The following NSUN6 variants were observed in gnomAD, a reference collection of about 807,000 sequenced individuals.
The protein encoded by NSUN6 is NOP2/Sun RNA methyltransferase 6.
A neutral mutation model predicts 58.0 loss-of-function variants in NSUN6; 64 were observed. The ratio of observed to expected loss-of-function variants is 1.10; its 90% CI spans 0.90 to 1.36. The LOEUF is 1.36. Among genes scored for constraint, NSUN6 ranks in the 40% most tolerant of loss-of-function variants. The pLI is 0.00. For synonymous variants in NSUN6, 231 were observed against 193.9 expected (o/e 1.19, Z -1.59); for missense variants, 701 against 550.1 (o/e 1.27, Z -2.74).
upstream of NSUN6, chr10:18,652,820 A>C (rs921693392): frequency 6.4e-6 from 5 of 782,912 alleles, no homozygotes; most frequent in South Asian, 5.8e-5. Flanking sequence ...TAGCCTCCCA[A>C]AGTGCTGGGA....
intron 4 of NSUN6, 74 bp from the exon 5 acceptor site, chr10:18,614,687 A>G (rs1049012661): frequency 5.6e-5 from 40 of 712,686 alleles, no homozygotes; most frequent in Middle Eastern, 3.9e-4. Context: ...TTTGAGCTAG[A>G]TCGGTGATCT....
intron 6 of NSUN6, among the ~76,000 whole-genome samples, chr10:18,604,973 C>A (rs2057995125): frequency 6.6e-6 from 1 of 150,998 alleles, no homozygotes; most frequent in African/African-American, 2.4e-5. Flanking sequence ...GCAAACTCCG[C>A]CTCCCGGGTT....
At chr10:18,611,178 G>A (rs757250617) in intron 5 of NSUN6, among the ~76,000 whole-genome samples, 8 of 151,886 alleles carry the variant, frequency 5.3e-5, no homozygotes, top group Non-Finnish European at 1.0e-4. Flanking sequence ...CCTGGGCAAC[G>A]AGCACCCAAA....
intron 8 of NSUN6, among the ~76,000 whole-genome samples, chr10:18,554,627 G>T (rs2054849122): frequency 6.6e-6 from 1 of 151,548 alleles, no homozygotes; most frequent in African/African-American, 2.4e-5. Flanking sequence ...CTGGAGAATG[G>T]AATGGAATGG....
chr10:18,631,764 C>G (rs1046812130), intron 3 of NSUN6, among the ~76,000 whole-genome samples: 2 of 151,110 alleles, frequency 1.3e-5, no homozygotes, highest in African/African-American at 4.9e-5. Context: ...AGGATACAAA[C>G]AAATGGAAGA....
intron 3 of NSUN6, among the ~76,000 whole-genome samples, chr10:18,624,798 A>T (rs997052507): frequency 9.2e-5 from 14 of 152,154 alleles, no homozygotes; most frequent in South Asian, 6.2e-4. Context: ...TGGCTAGCTA[A>T]GCAGCTAGAA....
chr10:18,608,888 A>G (rs1270880704), intron 6 of NSUN6, among the ~76,000 whole-genome samples: 1 of 152,178 alleles, frequency 6.6e-6, no homozygotes, highest in African/African-American at 2.4e-5. Flanking sequence ...AAACAATTGT[A>G]TGTTAGGTTA....
intron 3 of NSUN6, among the ~76,000 whole-genome samples, chr10:18,628,208 G>A (rs1439084718): frequency 1.3e-5 from 2 of 152,014 alleles, no homozygotes; most frequent in Admixed American, 1.3e-4. Context: ...TCTGTTAGAA[G>A]GAAAACTAAC....
At chr10:18,651,011 A>C in intron 1 of NSUN6, 118 bp downstream of exon 1, 1 of 1,167,776 alleles carries the variant, frequency 8.6e-7, no homozygotes, top group Non-Finnish European at 1.2e-6. Context: ...CACTTGATAG[A>C]CAAGTAGTAA....
chr10:18,630,718 C>A (rs1289219598), intron 3 of NSUN6, among the ~76,000 whole-genome samples: 1 of 152,178 alleles, frequency 6.6e-6, no homozygotes, highest in Non-Finnish European at 1.5e-5. Context: ...GAAGTTGAAT[C>A]TCTGAATAGA....
chr10:18,607,713 G>T (rs946857868), intron 6 of NSUN6, among the ~76,000 whole-genome samples: 15 of 152,308 alleles, frequency 9.8e-5, no homozygotes, highest in Admixed American at 3.3e-4. Flanking sequence ...TCTTCCAAGG[G>T]TTACATCTGG....
At chr10:18,652,569 CT>C (rs532727978), upstream of NSUN6, 128,655 of 848,192 alleles carry the variant, frequency 0.15, no homozygotes, top group Non-Finnish European at 0.16. Flanking sequence ...TTTCTCTGCT[CT>C]TTTTTTTTTT....
intron 6 of NSUN6, among the ~76,000 whole-genome samples, chr10:18,602,981 G>T (rs2057906288): frequency 6.6e-6 from 1 of 152,064 alleles, no homozygotes; most frequent in Admixed American, 6.6e-5. Flanking sequence ...ATAAGTCCTA[G>T]CCTATTAATG....
At chr10:18,621,903 T>C (rs2058619434) in intron 3 of NSUN6, among the ~76,000 whole-genome samples, 1 of 152,198 alleles carries the variant, frequency 6.6e-6, no homozygotes, top group South Asian at 2.1e-4. Flanking sequence ...CAGCACATGA[T>C]ATTGCTGCAT....
intron 8 of NSUN6, among the ~76,000 whole-genome samples, chr10:18,558,657 G>T (rs907948750): frequency 4.7e-5 from 7 of 148,716 alleles, no homozygotes; most frequent in Non-Finnish European, 3.0e-5. Flanking sequence ...AAGGGAGAGT[G>T]GAAAGGAATT....
intron 8 of NSUN6, among the ~76,000 whole-genome samples, chr10:18,577,740 G>A (rs980377964): frequency 1.2e-4 from 18 of 152,220 alleles, no homozygotes; most frequent in Admixed American, 8.5e-4. Flanking sequence ...TAACTTCCTC[G>A]TAACCCAACC....
At chr10:18,582,535 T>C (rs2056951856) in intron 8 of NSUN6, among the ~76,000 whole-genome samples, 1 of 152,172 alleles carries the variant, frequency 6.6e-6, no homozygotes, top group East Asian at 1.9e-4. Context: ...AAGAGCCTTC[T>C]GGGCTGGGAA....
intron 6 of NSUN6, among the ~76,000 whole-genome samples, chr10:18,602,566 C>CA (rs138691427): frequency 0.25 from 38,434 of 151,730 alleles, 5,603 homozygotes; most frequent in East Asian, 0.74. Context: ...GATGGTGTTT[C>CA]ACCATGTTGG....
At chr10:18,552,537 T>C (rs1432068626) in intron 8 of NSUN6, among the ~76,000 whole-genome samples, 1 of 152,142 alleles carries the variant, frequency 6.6e-6, no homozygotes. Flanking sequence ...CTATTTAATA[T>C]TATTGGAGGA....
Sources: gnomAD v4.1 joint callset for allele counts (sites outside exome capture counted in the v4.1 genomes callset) on GRCh38, gnomAD v4.1.1 for gene constraint, MANE v1.5 for transcripts, NCBI Gene and HGNC (gene_info 2026-07-23, HGNC 2026-07-21) for gene names.